CLASP2: variants seen among roughly 807,000 people sequenced by gnomAD.
The protein encoded by CLASP2 is CLIP-associating protein 2.
In CLASP2, 47 loss-of-function variants were observed where a neutral mutation model predicts 194.4. The observed-to-expected ratio is 0.24, with a 90% CI of 0.19 to 0.31. The LOEUF (loss-of-function observed/expected upper bound fraction) is 0.31, where lower values mean the gene tolerates loss of function less well. Ranked by LOEUF, CLASP2 falls within the 10% of genes least tolerant of loss-of-function variation. CLASP2 has a pLI of 1.00. For synonymous variants in CLASP2, 619 were observed against 633.5 expected, an observed-to-expected ratio of 0.98 and a Z score of 0.34; for missense variants, 1,445 against 1,823.6, an observed-to-expected ratio of 0.79 and a Z score of 3.78.
At chr3:33,537,460 A>T (rs934477470) in intron 33 of CLASP2, among the ~76,000 whole-genome samples, 12 of 152,240 alleles carry the variant, frequency 7.9e-5, no homozygotes, top group Non-Finnish European at 1.5e-4. Flanking sequence ...AAACACTGAG[A>T]AACAATGAAT....
intron 30 of CLASP2, among the ~76,000 whole-genome samples, chr3:33,546,232 G>A (rs1380196371): frequency 6.6e-6 from 1 of 152,176 alleles, no homozygotes; most frequent in African/African-American, 2.4e-5. Flanking sequence ...TTACCAATGA[G>A]TATATCCTTT....
At chr3:33,636,188 C>T (rs1392973604) in intron 8 of CLASP2, among the ~76,000 whole-genome samples, 1 of 152,076 alleles carries the variant, frequency 6.6e-6, no homozygotes, top group Non-Finnish European at 1.5e-5. Flanking sequence ...AAGTAGAAAG[C>T]CCCCAACAAA....
chr3:33,572,915 T>G (rs2064085569), intron 25 of CLASP2, among the ~76,000 whole-genome samples, 195 bp downstream of exon 25: 1 of 150,986 alleles, frequency 6.6e-6, no homozygotes, highest in South Asian at 2.1e-4. Context: ...CAAATAATTT[T>G]TTTTTTTTTT....
intron 8 of CLASP2, among the ~76,000 whole-genome samples, chr3:33,644,185 C>T (rs2081884733): frequency 6.6e-6 from 1 of 152,030 alleles, no homozygotes; most frequent in Admixed American, 6.6e-5. Flanking sequence ...AATGAATATG[C>T]TATGAATTAT....
At chr3:33,707,058 A>G (rs955123709) in intron 1 of CLASP2, among the ~76,000 whole-genome samples, 4 of 152,226 alleles carry the variant, frequency 2.6e-5, no homozygotes, top group Non-Finnish European at 2.9e-5. Flanking sequence ...GAACATGAAT[A>G]CCACTAGCAC....
At chr3:33,584,287 T>C (rs562944173) in intron 22 of CLASP2, among the ~76,000 whole-genome samples, 1 of 150,154 alleles carries the variant, frequency 6.7e-6, no homozygotes, top group Admixed American at 6.6e-5. Flanking sequence ...TTTGGGTTTT[T>C]TTTTTTTTTT....
intron 36 of CLASP2, among the ~76,000 whole-genome samples, chr3:33,511,187 C>T (rs970918610): frequency 2.0e-5 from 3 of 152,028 alleles, no homozygotes; most frequent in African/African-American, 7.2e-5. Context: ...CATGCACCAT[C>T]ATGCCCGGCT....
At chr3:33,635,813 A>T (rs993643561) in intron 8 of CLASP2, among the ~76,000 whole-genome samples, 7 of 152,222 alleles carry the variant, frequency 4.6e-5, no homozygotes, top group African/African-American at 1.7e-4. Context: ...CTCAAATCAA[A>T]TATACAAACA....
rs774007275 is a variant in CLASP2, at chr3:33,663,434, A to T, written c.715+11T>A. The T allele has an allele frequency of 6.2e-7, 1 of 1,606,596 alleles. No individual in the cohort carries two copies. The highest frequency in any genetic ancestry group is 1.1e-5 in the South Asian group (1 of 89,574). ...AGTCTTAGAAATGTTTGAGAGCTTA[A>T]TTACTCTTACCTTTGCAGACACTCA... On this transcript the variant is annotated intron_variant, in intron 7 of 38. Transcript: ENST00000682230.
At chr3:33,564,896 T>C (rs2062418512) in intron 27 of CLASP2, among the ~76,000 whole-genome samples, 1 of 152,096 alleles carries the variant, frequency 6.6e-6, no homozygotes, top group Admixed American at 6.6e-5. Context: ...GCCTGTACTA[T>C]TATTTTTCAA....
intron 9 of CLASP2, chr3:33,627,356 T>A: frequency 2.7e-6 from 1 of 371,022 alleles, no homozygotes; most frequent in Non-Finnish European, 5.0e-6. Context: ...ATGTAAAATA[T>A]CTAAGAATAA....
chr3:33,684,128 C>G (rs1342896648), intron 6 of CLASP2, among the ~76,000 whole-genome samples: 4 of 151,560 alleles, frequency 2.6e-5, no homozygotes, highest in Non-Finnish European at 5.9e-5. Flanking sequence ...GCCTCTAATC[C>G]CAGCTACTCG....
chr3:33,571,689 G>A (rs1456816181), intron 25 of CLASP2, among the ~76,000 whole-genome samples: 2 of 151,628 alleles, frequency 1.3e-5, no homozygotes, highest in African/African-American at 2.4e-5. Context: ...GGTGGTGCAC[G>A]CCTGTAGTAC....
chr3:33,537,373 C>T (rs1488368715), intron 33 of CLASP2, among the ~76,000 whole-genome samples: 1 of 152,126 alleles, frequency 6.6e-6, no homozygotes, highest in East Asian at 1.9e-4. Context: ...AAAACAACAG[C>T]AGGAAAGATG....
At chr3:33,552,469 A>G (rs1055712149) in intron 29 of CLASP2, among the ~76,000 whole-genome samples, 1 of 152,184 alleles carries the variant, frequency 6.6e-6, no homozygotes, top group African/African-American at 2.4e-5. Context: ...GATGTTTGAA[A>G]TATGTATATT....
intron 8 of CLASP2, among the ~76,000 whole-genome samples, chr3:33,638,263 T>C (rs1390945586): frequency 1.3e-5 from 2 of 152,174 alleles, no homozygotes; most frequent in African/African-American, 4.8e-5. Flanking sequence ...CGTTGTTTGA[T>C]TTAACAATGA....
intron 16 of CLASP2, among the ~76,000 whole-genome samples, chr3:33,605,674 A>C (rs902621370): frequency 2.0e-5 from 3 of 152,156 alleles, no homozygotes; most frequent in South Asian, 4.1e-4. Context: ...GCTGGAGTGC[A>C]GTGGCACGAT....
chr3:33,614,728 G>T (rs770674319), intron 12 of CLASP2, among the ~76,000 whole-genome samples: 1 of 152,126 alleles, frequency 6.6e-6, no homozygotes, highest in African/African-American at 2.4e-5. Context: ...CAAGGCAGGC[G>T]GATCGCCTCA....
rs2048189726 is a variant in CLASP2, at chr3:33,506,377, C to CAAAAAAAAAAA, written c.4317+4180_4317+4181insTTTTTTTTTTT. On this transcript the variant is annotated intron_variant, in intron 37 of 38. Transcript: ENST00000682230. ...TGGGTGACAGAGTGAGACTCTGTCT[C>CAAAAAAAAAAA]GAAAAAAAAAAAAAAAAAAAAAAAA... Among the ~76,000 whole-genome samples, 90 of 61,878 alleles carry CAAAAAAAAAAA rather than the reference C, an allele frequency of 1.5e-3. 27 individuals carry two copies. The highest frequency in any genetic ancestry group is 5.0e-3 in the African/African-American group (87 of 17,542). 40.6% of individuals were successfully genotyped at this position (61,878 alleles called of 152,430 possible).
Sources: gnomAD v4.1 joint callset for allele counts (sites outside exome capture counted in the v4.1 genomes callset) on GRCh38, gnomAD v4.1.1 for gene constraint, MANE v1.5 for transcripts, NCBI Gene and HGNC (gene_info 2026-07-23, HGNC 2026-07-21) for gene names.